Variants in UGT1A9 observed in about 807,000 individuals in gnomAD.
UGT1A9 encodes UDP glucuronosyltransferase family 1 member A9.
A neutral mutation model predicts 45.0 loss-of-function variants in UGT1A9; 35 were observed. That is an observed-to-expected ratio of 0.78 (90% CI 0.59 to 1.03). The LOEUF (loss-of-function observed/expected upper bound fraction) is 1.03, where lower values mean the gene tolerates loss of function less well. Among genes scored for constraint, UGT1A9 ranks in the 50% least tolerant of loss-of-function variants. The pLI is 0.00. For missense variants in UGT1A9, 687 were observed against 666.6 expected (o/e 1.03, Z -0.34); for synonymous variants, 278 against 250.6 (o/e 1.11, Z -1.03).
chr2:233,765,074 T>C (rs1191317330), intron 1 of UGT1A9, among the ~76,000 whole-genome samples: 1 of 152,100 alleles, frequency 6.6e-6, no homozygotes, highest in African/African-American at 2.4e-5. Context: ...GTCTCCTGTG[T>C]CTCACATCTA....
At chr2:233,729,527 A>T in intron 1 of UGT1A9, 1 of 1,614,206 alleles carries the variant, frequency 6.2e-7, no homozygotes, top group Non-Finnish European at 8.5e-7. Context: ...CTACTACATA[A>T]TGAGGCCCTG....
rs774463042 is a variant in UGT1A9 at position 233,672,415 on chromosome 2, T to G, written c.481T>G (p.Phe161Val). ...DNCGLIVAKY[F>V]SLPSVVFARG... is the part of the protein sequence containing the mutation. ...CTGTGGCTTAATTGTTGCCAAATAT[T>G]TCTCCCTCCCCTCCGTGGTCTTCGC... Residue 161 changes from phenylalanine to valine, a missense_variant, in exon 1 of 5, where the codon TTC (phenylalanine) becomes GTC (valine). By Grantham distance (50) the Phe-to-Val change is conservative. Transcript: ENST00000354728. The G allele has an allele frequency of 6.2e-7, 1 of 1,614,022 alleles. No individual in the cohort carries two copies.
At chr2:233,707,081 A>G (rs1294387634) in intron 1 of UGT1A9, among the ~76,000 whole-genome samples, 1 of 152,056 alleles carries the variant, frequency 6.6e-6, no homozygotes, top group Non-Finnish European at 1.5e-5. Flanking sequence ...CATGTGCTCC[A>G]CTTTGCATGG....
chr2:233,763,099 C>A (rs1698236353), intron 1 of UGT1A9, among the ~76,000 whole-genome samples: 3 of 152,172 alleles, frequency 2.0e-5, no homozygotes. Flanking sequence ...AGGAGAGGCA[C>A]CGAACTTTAT....
intron 1 of UGT1A9, chr2:233,754,464 GA>G (rs1321314205): frequency 8.4e-6 from 3 of 356,342 alleles, no homozygotes; most frequent in African/African-American, 2.1e-5. Context: ...CAGCTGTTCT[GA>G]AAGTAAAGTT....
chr2:233,707,787 G>A (rs1320068182), intron 1 of UGT1A9, among the ~76,000 whole-genome samples: 1 of 152,136 alleles, frequency 6.6e-6, no homozygotes, highest in Non-Finnish European at 1.5e-5. Context: ...ATATACCTAG[G>A]GGTGGAGCTG....
chr2:233,750,351 C>G (rs148166585), intron 1 of UGT1A9, among the ~76,000 whole-genome samples: 13 of 151,972 alleles, frequency 8.6e-5, no homozygotes, highest in African/African-American at 2.4e-4. Context: ...GAAATTGGAA[C>G]TTATGTTTAA....
intron 1 of UGT1A9, chr2:233,752,472 A>G (rs185071344): frequency 6.6e-5 from 10 of 152,356 alleles, no homozygotes; most frequent in Admixed American, 4.6e-4. Flanking sequence ...GGCCTCTAGC[A>G]GTGTTATGTT....
At chr2:233,722,255 G>A (rs549830880) in intron 1 of UGT1A9, among the ~76,000 whole-genome samples, 90 of 152,216 alleles carry the variant, frequency 5.9e-4, no homozygotes, top group African/African-American at 2.1e-3. Flanking sequence ...TGACAGACAC[G>A]CCATTATCAT....
intron 1 of UGT1A9, among the ~76,000 whole-genome samples, chr2:233,759,233 GA>G (rs1406502603): frequency 6.6e-6 from 1 of 152,188 alleles, no homozygotes; most frequent in Non-Finnish European, 1.5e-5. Flanking sequence ...ATGAAGGATG[GA>G]AACTTGCTTA....
At chr2:233,729,409 G>C (rs1264400033) in intron 1 of UGT1A9, 1 of 1,613,762 alleles carries the variant, frequency 6.2e-7, no homozygotes, top group South Asian at 1.1e-5. Context: ...CCATGTGCTG[G>C]GCCACACTCA....
chr2:233,681,904 A>T (rs766247764), intron 1 of UGT1A9: 14 of 1,596,016 alleles, frequency 8.8e-6, no homozygotes, highest in African/African-American at 1.3e-5. Flanking sequence ...GGAGCTTAGA[A>T]TCCCAGCTGC....
At chr2:233,743,686 G>A (rs1347222099) in intron 1 of UGT1A9, 2 of 1,367,248 alleles carry the variant, frequency 1.5e-6, no homozygotes, top group Admixed American at 3.8e-5. Flanking sequence ...TGCCGCCTGT[G>A]CAGCCGCCCT....
At chr2:233,718,834 T>A in intron 1 of UGT1A9, 1 of 1,613,600 alleles carries the variant, frequency 6.2e-7, no homozygotes, top group Non-Finnish European at 8.5e-7. Context: ...GCCAGAGGAC[T>A]CCAGGTTCCC....
intron 1 of UGT1A9, chr2:233,713,829 A>G (rs1484751529): frequency 1.2e-6 from 2 of 1,613,982 alleles, no homozygotes; most frequent in African/African-American, 2.7e-5. Context: ...TGGGGGCATC[A>G]ACTGTGCCAA....
At chr2:233,764,549 G>A (rs1698590691) in intron 1 of UGT1A9, among the ~76,000 whole-genome samples, 1 of 152,222 alleles carries the variant, frequency 6.6e-6, no homozygotes, top group Non-Finnish European at 1.5e-5. Flanking sequence ...GGGCGTGTGG[G>A]AGGGTGTGCC....
intron 1 of UGT1A9, among the ~76,000 whole-genome samples, chr2:233,748,859 T>G (rs1694048871): frequency 6.6e-6 from 1 of 151,492 alleles, no homozygotes; most frequent in Non-Finnish European, 1.5e-5. Flanking sequence ...TAAGCCCAGT[T>G]AAGCTGGGGA....
intron 1 of UGT1A9, among the ~76,000 whole-genome samples, chr2:233,675,167 T>G (rs1050677154): frequency 3.9e-5 from 6 of 152,132 alleles, no homozygotes; most frequent in African/African-American, 9.7e-5. Context: ...AGGGATGTAA[T>G]TAAATACTTT....
At chr2:233,755,026 G>C (rs776900288) in intron 1 of UGT1A9, 1 of 1,306,868 alleles carries the variant, frequency 7.7e-7, no homozygotes, top group Admixed American at 1.9e-5. Context: ...TCCTTGAAGG[G>C]CCTGCCGCCT....
Sources: allele counts gnomAD v4.1 joint callset (sites outside exome capture counted in the v4.1 genomes callset), GRCh38; gene constraint gnomAD v4.1.1; transcripts MANE v1.5; gene names NCBI Gene and HGNC (gene_info 2026-07-23, HGNC 2026-07-21).